EXOC6: variants seen among roughly 807,000 people sequenced by gnomAD.
The protein encoded by EXOC6 is SEC15-like 1.
In EXOC6, 60 loss-of-function variants were observed where a neutral mutation model predicts 112.5. The ratio of observed to expected loss-of-function variants is 0.53; its 90% CI spans 0.43 to 0.66. The LOEUF (loss-of-function observed/expected upper bound fraction) is 0.66. EXOC6 is among the 30% of genes least tolerant of loss of function. EXOC6 has a pLI of 0.00. For missense variants in EXOC6, 855 were observed against 957.1 expected, an observed-to-expected ratio of 0.89 and a Z score of 1.41; for synonymous variants, 295 against 308.0, an observed-to-expected ratio of 0.96 and a Z score of 0.44.
At chr10:92,985,657 A>G (rs1246539953) in intron 18 of EXOC6, among the ~76,000 whole-genome samples, 3 of 152,120 alleles carry the variant, frequency 2.0e-5, no homozygotes, top group African/African-American at 7.2e-5. Context: ...TTTCAGACAA[A>G]TGTAACGTTT....
At chr10:92,880,690 G>A (rs1192722149) in intron 1 of EXOC6, among the ~76,000 whole-genome samples, 1 of 152,056 alleles carries the variant, frequency 6.6e-6, no homozygotes, top group African/African-American at 2.4e-5. Flanking sequence ...TAATGGGAAG[G>A]TTATCCAGTA....
chr10:93,015,176 G>A (rs1844443812), intron 20 of EXOC6, among the ~76,000 whole-genome samples: 1 of 152,044 alleles, frequency 6.6e-6, no homozygotes, highest in African/African-American at 2.4e-5. Context: ...TAGAGATGAG[G>A]CTTCATCATT....
At position 93,023,848 on chromosome 10, in the gene EXOC6, TA is replaced by T. The variant is rs200155065; in HGVS notation, c.2169+9582del. On this transcript the variant is annotated intron_variant, in intron 20 of 21. Transcript: ENST00000260762. The stretch of plus-strand genomic sequence containing the variant: ...TATTCAGTGATAATTTTTTATAACT[TA>T]TTTTTTTAATAACTCATTCTTAATA... 6.3e-3 allele frequency among the ~76,000 whole-genome samples: 962 copies of T among 152,348 alleles called. 45 individuals carry two copies. The highest frequency in any genetic ancestry group is 0.055 in the Admixed American group (845 of 15,290).
chr10:93,032,259 C>T lies in EXOC6; in HGVS notation c.2169+17992C>T, dbSNP rs564019200. On this transcript the variant is annotated intron_variant, in intron 20 of 21. Coordinates refer to ENST00000260762, the MANE Select transcript of EXOC6 (RefSeq NM_019053.6). ...GGCTGAGTCAGGAGGATTGCTTGAGCCTGGGAGTCAAGGCTGCAGTGAGCT... is the reference window on the plus strand; with the variant it reads ...GGCTGAGTCAGGAGGATTGCTTGAGTCTGGGAGTCAAGGCTGCAGTGAGCT... Among the ~76,000 whole-genome samples the T allele has an allele frequency of 2.0e-5, 3 of 152,190 alleles. No homozygotes were observed. In the East Asian group the frequency reaches 5.8e-4, roughly 29 times the overall value.
chr10:92,961,475 C>A (rs1299375175), intron 17 of EXOC6, among the ~76,000 whole-genome samples: 1 of 151,894 alleles, frequency 6.6e-6, no homozygotes, highest in Non-Finnish European at 1.5e-5. Context: ...TAGAAAACAA[C>A]CAAAAGCAAA....
intron 1 of EXOC6, among the ~76,000 whole-genome samples, chr10:92,850,054 G>T (rs1239113618): frequency 6.6e-6 from 1 of 152,150 alleles, no homozygotes; most frequent in Non-Finnish European, 1.5e-5. Context: ...GGTAATGAAA[G>T]AAGTAAGATT....
intron 17 of EXOC6, among the ~76,000 whole-genome samples, chr10:92,959,115 G>T (rs1013393283): frequency 6.6e-6 from 1 of 151,878 alleles, no homozygotes; most frequent in African/African-American, 2.4e-5. Context: ...AAACAAAGCT[G>T]TAGTAATGAA....
chr10:92,890,245 G>A (rs1434581195), intron 1 of EXOC6, among the ~76,000 whole-genome samples: 2 of 152,042 alleles, frequency 1.3e-5, no homozygotes, highest in Non-Finnish European at 2.9e-5. Flanking sequence ...AGTATTGTGT[G>A]TTTAACTTCA....
intron 20 of EXOC6, among the ~76,000 whole-genome samples, chr10:93,040,411 C>G (rs1845703886): frequency 6.6e-6 from 1 of 152,048 alleles, no homozygotes; most frequent in South Asian, 2.1e-4. Context: ...ACCACCCTGG[C>G]TAATTTTTTG....
chr10:92,919,987 A>T lies in EXOC6; in HGVS notation c.825A>T (p.Leu275Phe), dbSNP rs1851337546. 1 of 1,598,482 alleles carries T rather than the reference A, an allele frequency of 6.3e-7. No individual in the cohort carries two copies. The highest frequency in any genetic ancestry group is 2.3e-5 in the East Asian group (1 of 44,384). Residue 275 changes from leucine (L) to phenylalanine (F), a missense_variant, in exon 8 of 22, where the codon TTA becomes TTT. Transcript: ENST00000260762. ...AAAAATGGTTTAATTTTCAGATCTT[A>T]ACTGTTCAGGATCTTGTTGATTTTT... is the stretch of plus-strand genomic sequence containing the variant. Reference protein sequence around the residue: ...EEEDENEEEILTVQDLVDFSP... With the variant: ...EEEDENEEEIFTVQDLVDFSP...
intron 5 of EXOC6, among the ~76,000 whole-genome samples, chr10:92,908,666 A>G (rs1244833900): frequency 6.6e-6 from 1 of 152,186 alleles, no homozygotes; most frequent in Non-Finnish European, 1.5e-5. Flanking sequence ...CATCTATAGA[A>G]TGCTACTTGT....
Position 92,974,166 on chromosome 10 carries a change from T to C in EXOC6, c.1887T>C (p.Ala629=). 6.3e-7 allele frequency: 1 copy of C among 1,599,592 alleles called. No homozygotes were observed. Among genetic ancestry groups the C allele is most frequent in the African/African-American group, 1.3e-5 (1 of 74,256 alleles). Residue 629 remains alanine (A), a synonymous_variant, in exon 18 of 22, where the codon GCT becomes GCC. Transcript: ENST00000260762. ...CAATGTCTGAGCCAGATGGAAGAGC[T>C]AGTGGTTATTTAATGGACCTTATAA... is the stretch of plus-strand genomic sequence containing the variant. The part of the protein sequence containing the change: ...DWTMSEPDGR[A]SGYLMDLINF...
intron 17 of EXOC6, among the ~76,000 whole-genome samples, chr10:92,970,141 A>T (rs1445851171): frequency 3.9e-5 from 6 of 152,060 alleles, no homozygotes; most frequent in Non-Finnish European, 5.9e-5. Flanking sequence ...GGTGCTAGGG[A>T]TATATCAGTG....
rs1191576716 is a variant in EXOC6 at position 92,848,565 on chromosome 10, TC to T, written c.36del (p.Glu13SerfsTer39). 2 of 1,442,832 alleles carry T rather than the reference TC, an allele frequency of 1.4e-6. No individual in the cohort carries two copies. The highest frequency in any genetic ancestry group is 3.4e-5 in the East Asian group (1 of 29,218). The allele number at this position is 1,442,832 out of a possible 1,614,324, so 89.4% of individuals were successfully genotyped here. A position where few individuals can be genotyped will look rare whatever the true frequency, so the allele number is the denominator to read the frequency against. On this transcript the variant is annotated frameshift_variant, in exon 1 of 22. Coordinates refer to ENST00000260762, the MANE Select transcript of EXOC6 (RefSeq NM_019053.6). LOFTEE classifies it high-confidence loss of function. MAENSESLGT[V>X]PEHERILQEI... Reference sequence around the variant, plus strand: ...GAGAACAGCGAGAGTCTGGGCACCGTCCCCGAGCACGAGCGGATCTTGCAGG... The same window carrying T: ...GAGAACAGCGAGAGTCTGGGCACCGTCCCGAGCACGAGCGGATCTTGCAGG...
chr10:92,947,897 C>A (rs939539177), intron 13 of EXOC6, among the ~76,000 whole-genome samples: 2 of 152,136 alleles, frequency 1.3e-5, no homozygotes, highest in African/African-American at 4.8e-5. Flanking sequence ...GAGCGAGACT[C>A]TGTCTCAAAA....
chr10:92,966,278 T>TATA lies in EXOC6; in HGVS notation c.1774-7772_1774-7770dup, dbSNP rs1455816327. 6.2e-5 allele frequency among the ~76,000 whole-genome samples: 7 copies of TATA among 113,624 alleles called. No individual in the cohort carries two copies. The East Asian group carries it at 2.1e-3, about 34-fold the overall frequency. 74.5% of individuals were successfully genotyped at this position (113,624 alleles called of 152,430 possible). A position where few individuals can be genotyped will look rare whatever the true frequency, so the allele number is the denominator to read the frequency against. On this transcript the variant is annotated intron_variant, in intron 17 of 21. Coordinates refer to ENST00000260762, the MANE Select transcript of EXOC6 (RefSeq NM_019053.6). ...AAACGTGGTCTAGAAAGCATGTAATTATAATTATTATTATTATTATTATTA... is the reference window on the plus strand; with the variant it reads ...AAACGTGGTCTAGAAAGCATGTAATTATAATAATTATTATTATTATTATTATTA...
intron 19 of EXOC6, among the ~76,000 whole-genome samples, chr10:92,998,665 C>CACAA (rs397709788): frequency 7.4e-5 from 11 of 148,466 alleles, no homozygotes; most frequent in Admixed American, 2.0e-4. Flanking sequence ...CACACACACA[C>CACAA]TCCAAAGTTT....
chr10:92,834,236 T>A (rs1441574705), upstream of EXOC6, among the ~76,000 whole-genome samples: 1 of 152,136 alleles, frequency 6.6e-6, no homozygotes, highest in Admixed American at 6.5e-5. Context: ...CCTGGGCAAA[T>A]TACCTCCTTG....
At chr10:92,863,925 AAACAAAAC>A (rs1848038452) in intron 1 of EXOC6, among the ~76,000 whole-genome samples, 2 of 151,426 alleles carry the variant, frequency 1.3e-5, no homozygotes, top group Non-Finnish European at 2.9e-5. Context: ...AAAAAAAAAA[AAACAAAAC>A]AAAAAAACAA....
Sources: gnomAD v4.1 joint callset for allele counts (sites outside exome capture counted in the v4.1 genomes callset) on GRCh38, gnomAD v4.1.1 for gene constraint, MANE v1.5 for transcripts, NCBI Gene and HGNC (gene_info 2026-07-23, HGNC 2026-07-21) for gene names.